Variants in DLG1 observed in about 807,000 individuals in gnomAD.
DLG1 encodes the protein discs large MAGUK scaffold protein 1, also known as disks large homolog 1.
In DLG1, 42 loss-of-function variants were observed where a neutral mutation model predicts 123.4. The observed-to-expected ratio is 0.34, with a 90% CI of 0.27 to 0.44. The LOEUF (loss-of-function observed/expected upper bound fraction) is 0.44, where lower values mean the gene tolerates loss of function less well. Among genes scored for constraint, DLG1 ranks in the 20% least tolerant of loss-of-function variants. DLG1 has a pLI of 1.00. For missense variants in DLG1, 942 were observed against 1,082.6 expected, an observed-to-expected ratio of 0.87 and a Z score of 1.82; for synonymous variants, 317 against 356.2, an observed-to-expected ratio of 0.89 and a Z score of 1.24.
At chr3:197,122,173 G>A (rs144305192) in intron 11 of DLG1, among the ~76,000 whole-genome samples, 2,579 of 151,922 alleles carry the variant, frequency 0.017, 67 homozygotes, top group African/African-American at 0.057. Context: ...ACAAATGAAT[G>A]GTTTAGCGTT....
chr3:197,151,412 A>C (rs1256354879), intron 5 of DLG1, among the ~76,000 whole-genome samples: 1 of 152,140 alleles, frequency 6.6e-6, no homozygotes, highest in African/African-American at 2.4e-5. Flanking sequence ...CATTTTATAG[A>C]AGTTACCTTT....
chr3:197,277,357 G>A (rs1766965642), intron 4 of DLG1, among the ~76,000 whole-genome samples: 1 of 149,506 alleles, frequency 6.7e-6, no homozygotes, highest in Non-Finnish European at 1.5e-5. Context: ...TCCAGAGGGA[G>A]TCTCACCCTG....
At chr3:197,106,737 T>C (rs1163327996) in intron 13 of DLG1, among the ~76,000 whole-genome samples, 1 of 152,172 alleles carries the variant, frequency 6.6e-6, no homozygotes, top group East Asian at 1.9e-4. Context: ...TTCCAGACTA[T>C]CACTGAACAT....
intron 4 of DLG1, among the ~76,000 whole-genome samples, chr3:197,234,716 A>AT (rs1657286213): frequency 6.6e-6 from 1 of 152,196 alleles, no homozygotes; most frequent in African/African-American, 2.4e-5. Flanking sequence ...GGGGTTATAT[A>AT]TATAATCACA....
chr3:197,122,557 A>C (rs1235306643), intron 11 of DLG1, among the ~76,000 whole-genome samples: 11 of 152,274 alleles, frequency 7.2e-5, no homozygotes, highest in Non-Finnish European at 1.5e-5. Flanking sequence ...ACGATCTGAA[A>C]GACCTATAAA....
intron 5 of DLG1, among the ~76,000 whole-genome samples, chr3:197,182,699 C>T (rs1318549750): frequency 3.2e-5 from 2 of 62,722 alleles, no homozygotes; most frequent in African/African-American, 6.4e-5. Context: ...GCATTCTCAA[C>T]TTGTTTTTAG....
chr3:197,178,764 T>C (rs1235567653), intron 5 of DLG1, among the ~76,000 whole-genome samples: 1 of 152,184 alleles, frequency 6.6e-6, no homozygotes, highest in Admixed American at 6.5e-5. Flanking sequence ...AGTAATCAAT[T>C]GTGTTAACAG....
chr3:197,169,407 T>C (rs534988447), intron 5 of DLG1, among the ~76,000 whole-genome samples: 5 of 152,122 alleles, frequency 3.3e-5, no homozygotes, highest in Admixed American at 6.5e-5. Flanking sequence ...AATGGACATA[T>C]GAGCAGTCAA....
intron 5 of DLG1, among the ~76,000 whole-genome samples, chr3:197,169,950 C>T (rs529012966): frequency 3.9e-5 from 6 of 152,154 alleles, no homozygotes; most frequent in Admixed American, 6.5e-5. Flanking sequence ...TGTGTTGTTC[C>T]GCTCTATGCG....
intron 5 of DLG1, among the ~76,000 whole-genome samples, chr3:197,150,284 AC>A (rs1793215935): frequency 1.3e-5 from 2 of 152,030 alleles, no homozygotes; most frequent in African/African-American, 4.8e-5. Context: ...CTAAAAACAC[AC>A]TCTTAATGTA....
intron 4 of DLG1, among the ~76,000 whole-genome samples, chr3:197,202,697 T>A (rs764005311): frequency 6.6e-6 from 1 of 152,160 alleles, no homozygotes; most frequent in Non-Finnish European, 1.5e-5. Context: ...CTAACCAATA[T>A]GCTAAAAACA....
rs1262895808 is a variant in DLG1, at chr3:197,042,930, AT to A, written c.*1692del. Reference sequence around the variant, plus strand: ...AATTCAAGACACACTTAACATATGGATTTTACAATACAGTTTATTAGCTGTT... The same window carrying A: ...AATTCAAGACACACTTAACATATGGATTTACAATACAGTTTATTAGCTGTT... On this transcript the variant is annotated 3_prime_UTR_variant, in exon 25 of 25. Transcript: ENST00000667157. 1.3e-5 allele frequency: 2 copies of A among 152,204 alleles called. No individual in the cohort carries two copies. The highest frequency in any genetic ancestry group is 2.9e-5 in the Non-Finnish European group (2 of 68,030). 9.4% of individuals were successfully genotyped at this position (152,204 alleles called of 1,614,324 possible). A position where few individuals can be genotyped will look rare whatever the true frequency, so the allele number is the denominator to read the frequency against.
chr3:197,067,637 A>G (rs1243881082), intron 19 of DLG1, among the ~76,000 whole-genome samples: 1 of 139,700 alleles, frequency 7.2e-6, no homozygotes, highest in African/African-American at 2.8e-5. Context: ...AGCTCACTGC[A>G]GCCTCCAACT....
At chr3:197,212,309 T>C (rs1455233495) in intron 4 of DLG1, among the ~76,000 whole-genome samples, 1 of 117,250 alleles carries the variant, frequency 8.5e-6, no homozygotes, top group African/African-American at 2.6e-5. Flanking sequence ...CTTGCCTCAC[T>C]TGTTTTCAAC....
chr3:197,148,280 C>T (rs149468009), intron 6 of DLG1, among the ~76,000 whole-genome samples: 69 of 137,464 alleles, frequency 5.0e-4, no homozygotes, highest in Non-Finnish European at 9.2e-4. Flanking sequence ...CATGGTGGCA[C>T]GTGTCCGTGT....
At chr3:197,235,147 AC>A (rs1366710821) in intron 4 of DLG1, among the ~76,000 whole-genome samples, 1 of 152,130 alleles carries the variant, frequency 6.6e-6, no homozygotes, top group African/African-American at 2.4e-5. Context: ...AGTGAGCTCT[AC>A]GATCTTCCTG....
intron 5 of DLG1, among the ~76,000 whole-genome samples, chr3:197,163,044 T>C (rs1372477278): frequency 6.6e-6 from 1 of 152,162 alleles, no homozygotes; most frequent in Non-Finnish European, 1.5e-5. Flanking sequence ...TGTGAAGAGC[T>C]TGAATAATTT....
At chr3:197,214,804 C>T (rs1733219102) in intron 4 of DLG1, among the ~76,000 whole-genome samples, 1 of 152,152 alleles carries the variant, frequency 6.6e-6, no homozygotes, top group African/African-American at 2.4e-5. Flanking sequence ...GACACACAGA[C>T]TGGCAGTTCA....
chr3:197,063,200 A>AG (rs1415497200), intron 22 of DLG1, among the ~76,000 whole-genome samples: 2 of 151,972 alleles, frequency 1.3e-5, no homozygotes, highest in Non-Finnish European at 1.5e-5. Context: ...ATAAAAAAAA[A>AG]AAAAGAAATA....
Sources: gnomAD v4.1 joint callset for allele counts (sites outside exome capture counted in the v4.1 genomes callset) on GRCh38, gnomAD v4.1.1 for gene constraint, MANE v1.5 for transcripts, NCBI Gene and HGNC (gene_info 2026-07-23, HGNC 2026-07-21) for gene names.